The following GAB2 variants were observed in gnomAD, a reference collection of about 807,000 sequenced individuals.
GAB2 encodes GRB2 associated binding protein 2.
Under a neutral mutation model 65.5 loss-of-function variants are expected in GAB2, and 26 were observed. The ratio of observed to expected loss-of-function variants is 0.40; its 90% confidence interval spans 0.29 to 0.55. GAB2 has a LOEUF of 0.55. Among genes scored for constraint, GAB2 ranks in the 20% least tolerant of loss-of-function variants. The pLI is 0.53. For synonymous variants in GAB2, 321 were observed against 329.6 expected, an observed-to-expected ratio of 0.97 and a Z score of 0.28; for missense variants, 884 against 875.8, an observed-to-expected ratio of 1.01 and a Z score of -0.12.
chr11:78,269,433 G>A (rs897341499), intron 2 of GAB2, among the ~76,000 whole-genome samples: 1 of 152,122 alleles, frequency 6.6e-6, no homozygotes, highest in African/African-American at 2.4e-5. Context: ...TTCATGGTGG[G>A]GGAAGGACCA....
At chr11:78,367,150 T>C (rs1429473705) in intron 1 of GAB2, among the ~76,000 whole-genome samples, 1 of 152,200 alleles carries the variant, frequency 6.6e-6, no homozygotes, top group Non-Finnish European at 1.5e-5. Flanking sequence ...TGAAAACTTC[T>C]GTTTTCTTTT....
intron 1 of GAB2, among the ~76,000 whole-genome samples, chr11:78,294,948 A>G (rs1297947446): frequency 6.6e-6 from 1 of 152,252 alleles, no homozygotes; most frequent in East Asian, 1.9e-4. Flanking sequence ...CAGAGTGAAC[A>G]GGCAACCTAC....
intron 3 of GAB2, among the ~76,000 whole-genome samples, chr11:78,246,491 G>A (rs1474133293): frequency 6.6e-6 from 1 of 151,804 alleles, no homozygotes; most frequent in Admixed American, 6.6e-5. Flanking sequence ...CCATGGAGAA[G>A]TGCTATTTTT....
At chr11:78,260,559 CCTTCTGGGTTCAAGTGATT>C (rs1865702203) in intron 2 of GAB2, among the ~76,000 whole-genome samples, 2 of 152,076 alleles carry the variant, frequency 1.3e-5, no homozygotes, top group South Asian at 4.2e-4. Flanking sequence ...GAAACCTCCG[CCTTCTGGGTTCAAGTGATT>C]CTCCTGCCTC....
At chr11:78,397,949 G>A (rs1309747665) in intron 1 of GAB2, among the ~76,000 whole-genome samples, 1 of 151,924 alleles carries the variant, frequency 6.6e-6, no homozygotes, top group Non-Finnish European at 1.5e-5. Context: ...CTATTCAGGA[G>A]GCTAAGTGAG....
At chr11:78,396,728 G>C (rs1317243606) in intron 1 of GAB2, among the ~76,000 whole-genome samples, 1 of 152,288 alleles carries the variant, frequency 6.6e-6, no homozygotes, top group East Asian at 1.9e-4. Context: ...CACCCGAGCA[G>C]CTGAGATTAC....
At chr11:78,267,478 T>G (rs541247860) in intron 2 of GAB2, among the ~76,000 whole-genome samples, 3 of 152,266 alleles carry the variant, frequency 2.0e-5, no homozygotes, top group Non-Finnish European at 2.9e-5. Context: ...GGCGGCCAAT[T>G]TTTAATAATG....
At chr11:78,233,023 A>G (rs1162918788) in intron 3 of GAB2, among the ~76,000 whole-genome samples, 1 of 150,626 alleles carries the variant, frequency 6.6e-6, no homozygotes, top group African/African-American at 2.5e-5. Flanking sequence ...ATACTTACCA[A>G]TACCTGGCAC....
chr11:78,363,615 C>T (rs1856462082), intron 1 of GAB2, among the ~76,000 whole-genome samples: 2 of 147,938 alleles, frequency 1.4e-5, no homozygotes, highest in Admixed American at 6.7e-5. Context: ...GACAGGGTCT[C>T]ACTTTGTTGC....
chr11:78,343,808 A>G (rs1480897691), intron 1 of GAB2, among the ~76,000 whole-genome samples: 1 of 152,192 alleles, frequency 6.6e-6, no homozygotes, highest in Non-Finnish European at 1.5e-5. Flanking sequence ...ATATATAATC[A>G]ATATAAAAAT....
intron 1 of GAB2, among the ~76,000 whole-genome samples, chr11:78,368,898 G>A (rs992020781): frequency 2.6e-5 from 4 of 151,770 alleles, no homozygotes; most frequent in African/African-American, 9.7e-5. Flanking sequence ...GAAACACAGC[G>A]AGACCCCATC....
At chr11:78,276,841 G>T (rs551997334) in intron 2 of GAB2, among the ~76,000 whole-genome samples, 11 of 151,724 alleles carry the variant, frequency 7.3e-5, no homozygotes, top group Non-Finnish European at 1.6e-4. Context: ...TTTTTGAGAC[G>T]AAGTCTCGTT....
intron 1 of GAB2, among the ~76,000 whole-genome samples, chr11:78,375,886 T>C (rs1591073588): frequency 6.6e-6 from 1 of 152,164 alleles, no homozygotes; most frequent in East Asian, 1.9e-4. Context: ...TGGCTTCTGG[T>C]GCCTGCCAGA....
At chr11:78,376,910 G>C (rs889275099) in intron 1 of GAB2, among the ~76,000 whole-genome samples, 2 of 152,190 alleles carry the variant, frequency 1.3e-5, no homozygotes, top group African/African-American at 4.8e-5. Flanking sequence ...TTTAGATCAT[G>C]GGAGTGGATC....
Position 78,243,166 on chromosome 11 carries a change from A to AAAAAAAAAAG in GAB2, c.620+6981_620+6990dup, listed in dbSNP as rs1865190451. 2.0e-5 allele frequency among the ~76,000 whole-genome samples: 3 copies of AAAAAAAAAAG among 147,102 alleles called. No individual in the cohort carries two copies. The South Asian group carries it at 6.5e-4, about 32-fold the overall frequency. Reference sequence around the variant, plus strand: ...GCGACAGAGTGAGACTCTGTCTAGAAAAAAAAAAAGAAAAAAAAAGGCTGG... The same window carrying AAAAAAAAAAG: ...GCGACAGAGTGAGACTCTGTCTAGAAAAAAAAAAAGAAAAAAAAAGAAAAAAAAAGGCTGG... On this transcript the variant is annotated intron_variant, in intron 3 of 9. Transcript: ENST00000361507.
chr11:78,335,354 T>C (rs1041460681), intron 1 of GAB2, among the ~76,000 whole-genome samples: 2 of 152,356 alleles, frequency 1.3e-5, no homozygotes, highest in South Asian at 2.1e-4. Flanking sequence ...TCAGTTCTTG[T>C]AGGAGCTTCA....
chr11:78,346,735 T>A (rs1478702286), intron 1 of GAB2, among the ~76,000 whole-genome samples: 6 of 128,160 alleles, frequency 4.7e-5, no homozygotes, highest in African/African-American at 1.7e-4. Flanking sequence ...TTTTTTTTTT[T>A]TAGGAAAAGA....
intron 1 of GAB2, among the ~76,000 whole-genome samples, chr11:78,326,441 T>C (rs1375408592): frequency 4.6e-5 from 7 of 152,208 alleles, no homozygotes; most frequent in Non-Finnish European, 1.0e-4. Context: ...TGCAGGTTAA[T>C]AGGATAACAG....
intron 1 of GAB2, among the ~76,000 whole-genome samples, chr11:78,342,234 CCTCTT>C (rs1309610179): frequency 2.0e-5 from 3 of 152,156 alleles, no homozygotes; most frequent in African/African-American, 4.8e-5. Flanking sequence ...ACCCTCTGTG[CCTCTT>C]CTCAAGATCA....
Sources: gnomAD v4.1 joint callset for allele counts (sites outside exome capture counted in the v4.1 genomes callset) on GRCh38, gnomAD v4.1.1 for gene constraint, MANE v1.5 for transcripts, NCBI Gene and HGNC (gene_info 2026-07-23, HGNC 2026-07-21) for gene names.